TLK1: variants seen among roughly 807,000 people sequenced by gnomAD.
TLK1 encodes tousled like kinase 1.
TLK1 carries 24 observed loss-of-function variants against 105.3 expected under a neutral mutation model. The ratio of observed to expected loss-of-function variants is 0.23; its 90% CI spans 0.17 to 0.32. TLK1 has a LOEUF of 0.32. TLK1 is among the 10% of genes least tolerant of loss of function. TLK1 has a pLI of 1.00. For missense variants in TLK1, 558 were observed against 910.5 expected, an observed-to-expected ratio of 0.61 and a Z score of 4.98; for synonymous variants, 321 against 310.4, an observed-to-expected ratio of 1.03 and a Z score of -0.36.
chr2:171,111,758 A>G (rs999916337), intron 2 of TLK1, among the ~76,000 whole-genome samples: 2 of 152,224 alleles, frequency 1.3e-5, no homozygotes, highest in Middle Eastern at 3.2e-3. Context: ...ATAGTGAATT[A>G]TAAAACAGAT....
At chr2:171,023,436 C>CACA (rs1160986129) in intron 12 of TLK1, among the ~76,000 whole-genome samples, 2 of 151,912 alleles carry the variant, frequency 1.3e-5, no homozygotes, top group African/African-American at 2.4e-5. Context: ...CACACACACA[C>CACA]ACCAAAACAC....
Position 171,049,824 on chromosome 2 carries a change from T to C in TLK1, c.970A>G (p.Asn324Asp). ...EQWTDGFAFQ[N>D]LVKQQEWVNQ... is the part of the protein sequence containing the mutation. ...TTAAGAATGACTAACTTCACAAGAT[T>C]CTGAAATGCAAAACCATCTGTCCAT... Residue 324 changes from asparagine (N) to aspartate (D), a missense_variant, in exon 10 of 21, where the codon AAT (asparagine) becomes GAT (aspartate). Asn to Asp is a conservative substitution (Grantham distance 23, BLOSUM62 1). Around this residue, in one of 5 missense-constraint regions of TLK1, gnomAD observed 196 missense variants for 239.3 expected, o/e 0.82. Coordinates refer to ENST00000431350, the MANE Select transcript of TLK1 (RefSeq NM_012290.5). 1 of 1,613,756 alleles carries C rather than the reference T, an allele frequency of 6.2e-7. No homozygotes were observed. Among genetic ancestry groups the C allele is most frequent in the Non-Finnish European group, 8.5e-7 (1 of 1,179,876 alleles).
intron 2 of TLK1, among the ~76,000 whole-genome samples, chr2:171,094,398 G>GA (rs544762804): frequency 1.9e-4 from 28 of 151,076 alleles, no homozygotes; most frequent in African/African-American, 6.1e-4. Flanking sequence ...AACAAATTAA[G>GA]AAAAAAAATC....
At chr2:171,029,818 C>G (rs1409870806) in intron 11 of TLK1, among the ~76,000 whole-genome samples, 2 of 152,118 alleles carry the variant, frequency 1.3e-5, no homozygotes, top group East Asian at 3.8e-4. Context: ...ACGATCTCAG[C>G]TCACTGCACC....
chr2:170,994,538 CAAAA>C (rs11397597), intron 20 of TLK1, among the ~76,000 whole-genome samples: 5 of 129,462 alleles, frequency 3.9e-5, no homozygotes, highest in African/African-American at 1.1e-4. Context: ...TAGCCTCTTA[CAAAA>C]AAAAAAAAAA....
At chr2:171,193,545 C>G (rs113447749) in intron 1 of TLK1, among the ~76,000 whole-genome samples, 15,996 of 151,138 alleles carry the variant, frequency 0.11, 1,245 homozygotes, top group African/African-American at 0.22. Flanking sequence ...TACAAGCGCC[C>G]GCCACCACGC....
chr2:171,057,908 G>A (rs935653595), intron 5 of TLK1, among the ~76,000 whole-genome samples: 2 of 152,000 alleles, frequency 1.3e-5, no homozygotes, highest in African/African-American at 4.8e-5. Flanking sequence ...ACACTAATAT[G>A]TATTTTGCCT....
chr2:171,145,125 A>G (rs1381449874), intron 1 of TLK1, among the ~76,000 whole-genome samples: 1 of 152,134 alleles, frequency 6.6e-6, no homozygotes, highest in Non-Finnish European at 1.5e-5. Context: ...CCTGGCCAAC[A>G]TGGTGAAACC....
chr2:171,108,854 C>T (rs1317195850), intron 2 of TLK1, among the ~76,000 whole-genome samples: 3 of 152,120 alleles, frequency 2.0e-5, no homozygotes, highest in Admixed American at 2.0e-4. Context: ...CCCCCGCCTC[C>T]CAAAGTGCTG....
rs768708591 is a variant in TLK1 at position 171,011,386 on chromosome 2, C to A, written c.1403G>T (p.Ser468Ile). 6.2e-7 allele frequency: 1 copy of A among 1,612,732 alleles called. No homozygotes were observed. Among genetic ancestry groups the A allele is most frequent in the South Asian group, 1.1e-5 (1 of 90,848 alleles). The change falls in exon 14 of 21, where the codon AGT (serine) becomes ATT (isoleucine). Residue 468 changes from serine (S) to isoleucine (I), a missense_variant. Physicochemically the swap from Ser to Ile is moderately radical, Grantham distance 142. Coordinates refer to ENST00000431350, the MANE Select transcript of TLK1 (RefSeq NM_012290.5). ...LLHLLGRGGF[S>I]EVYKAFDLYE... Reference sequence around the variant, plus strand: ...AACATACATTACCTTATACACTTCACTAAAGCCACCTCTACCAAGCAGATG... The same window carrying A: ...AACATACATTACCTTATACACTTCAATAAAGCCACCTCTACCAAGCAGATG...
chr2:171,228,432 C>T (rs1693938154), intron 1 of TLK1, among the ~76,000 whole-genome samples: 1 of 151,584 alleles, frequency 6.6e-6, no homozygotes, highest in Non-Finnish European at 1.5e-5. Flanking sequence ...ACACCTATAG[C>T]CCCAGTTACT....
intron 10 of TLK1, among the ~76,000 whole-genome samples, chr2:171,049,470 G>A (rs887576096): frequency 1.3e-5 from 2 of 151,988 alleles, no homozygotes; most frequent in East Asian, 1.9e-4. Context: ...AAACTAAGTA[G>A]GAAAATCCTA....
intron 1 of TLK1, among the ~76,000 whole-genome samples, chr2:171,146,755 C>T (rs1575628139): frequency 6.6e-6 from 1 of 152,164 alleles, no homozygotes; most frequent in Non-Finnish European, 1.5e-5. Context: ...GTACTTTGTT[C>T]ACAACCTCTG....
At chr2:171,201,173 C>T (rs1271313799) in intron 1 of TLK1, among the ~76,000 whole-genome samples, 2 of 151,972 alleles carry the variant, frequency 1.3e-5, no homozygotes. Flanking sequence ...TGTGAGCCAC[C>T]GCACCCGGCC....
intron 1 of TLK1, among the ~76,000 whole-genome samples, chr2:171,133,455 C>T (rs906435704): frequency 3.3e-5 from 5 of 151,944 alleles, no homozygotes; most frequent in East Asian, 3.9e-4. Context: ...AAATATTAGC[C>T]GGGCTTGGTG....
At chr2:171,100,658 T>A (rs1202296799) in intron 2 of TLK1, among the ~76,000 whole-genome samples, 2 of 152,006 alleles carry the variant, frequency 1.3e-5, no homozygotes, top group African/African-American at 2.4e-5. Context: ...AGGCTATAAT[T>A]TAAAAAGACA....
chr2:171,028,637 T>C (rs1294270584), intron 11 of TLK1, among the ~76,000 whole-genome samples: 1 of 152,208 alleles, frequency 6.6e-6, no homozygotes. Context: ...AAAAATCCTT[T>C]GAGATATTCT....
intron 1 of TLK1, among the ~76,000 whole-genome samples, chr2:171,180,599 ACT>A (rs1692911145): frequency 6.6e-6 from 1 of 152,028 alleles, no homozygotes; most frequent in South Asian, 2.1e-4. Context: ...GGTTAGAATG[ACT>A]CTTTCCAGAG....
intron 18 of TLK1, among the ~76,000 whole-genome samples, chr2:170,998,914 G>A (rs967121871): frequency 6.6e-6 from 1 of 152,074 alleles, no homozygotes; most frequent in South Asian, 2.1e-4. Flanking sequence ...GACTACAGAC[G>A]TGCACCAGCA....
Sources: gnomAD v4.1 joint callset for allele counts (sites outside exome capture counted in the v4.1 genomes callset) on GRCh38, gnomAD v4.1.1 for gene constraint, gnomAD v4.1.1 regional missense constraint, MANE v1.5 for transcripts, NCBI Gene and HGNC (gene_info 2026-07-23, HGNC 2026-07-21) for gene names.